RRP12: variants seen among roughly 807,000 people sequenced by gnomAD.
RRP12 encodes ribosomal RNA processing 12 homolog.
RRP12 carries 78 observed loss-of-function variants against 157.3 expected under a neutral mutation model. The observed-to-expected ratio is 0.50, with a 90% CI of 0.41 to 0.60. RRP12 has a LOEUF of 0.60. Ranked by LOEUF, RRP12 falls within the 20% of genes least tolerant of loss-of-function variation. The pLI is 0.00. For missense variants in RRP12, 1,521 were observed against 1,679.9 expected (o/e 0.91, Z 1.65); for synonymous variants, 726 against 670.9 (o/e 1.08, Z -1.27).
At chr10:97,399,227 C>A (rs1017315538) in intron 2 of RRP12, among the ~76,000 whole-genome samples, 1 of 152,096 alleles carries the variant, frequency 6.6e-6, no homozygotes, top group Non-Finnish European at 1.5e-5. Flanking sequence ...GAGCCGAGAT[C>A]GTGCCATTGC....
chr10:97,358,580 G>A lies in RRP12; in HGVS notation c.3748C>T (p.Pro1250Ser), dbSNP rs1201182274. 6.2e-7 allele frequency: 1 copy of A among 1,614,006 alleles called. No individual in the cohort carries two copies. The highest frequency in any genetic ancestry group is 8.5e-7 in the Non-Finnish European group (1 of 1,179,974). ...GDVKKKGRPD[P>S]YAYIPLNRSK... ...CTGTTGAGGGGGATGTAGGCATAGG[G>A]ATCCGGCCGGCCTTTCTTCTTCACA... is the stretch of plus-strand genomic sequence containing the variant. Residue 1250 changes from proline (P) to serine (S), a missense_variant, in exon 33 of 34, where the codon CCC becomes TCC. Pro to Ser is a moderately conservative substitution (Grantham distance 74, BLOSUM62 -1). Transcript: ENST00000370992.
At position 97,400,425 on chromosome 10, in the gene RRP12, C is replaced by A; in HGVS notation, c.249G>T (p.Ala83=). The A allele has an allele frequency of 9.3e-6, 15 of 1,614,108 alleles. No homozygotes were observed. The highest frequency in any genetic ancestry group is 1.1e-5 in the Non-Finnish European group (13 of 1,180,016). ...EAPETPMEEE[A]ELVLTEKSSG... ...AGGACTTCTCGGTGAGAACCAGCTC[C>A]GCCTCTTCTTCCATGGGCGTCTCCG... is the stretch of plus-strand genomic sequence containing the variant. The change falls in exon 2 of 34, where the codon GCG becomes GCT. Residue 83 remains alanine, a synonymous_variant. Transcript: ENST00000370992.
At chr10:97,369,878 C>A (rs1304177495) in intron 24 of RRP12, among the ~76,000 whole-genome samples, 1 of 152,220 alleles carries the variant, frequency 6.6e-6, no homozygotes, top group Admixed American at 6.5e-5. Flanking sequence ...GACTAAAATC[C>A]AGGCATCAGC....
At chr10:97,388,678 T>C in intron 6 of RRP12, 54 bp from the exon 7 acceptor site, 1 of 1,595,518 alleles carries the variant, frequency 6.3e-7, no homozygotes, top group Non-Finnish European at 8.6e-7. Flanking sequence ...CACCAGCATC[T>C]TGGGTGTCCG....
intron 2 of RRP12, among the ~76,000 whole-genome samples, chr10:97,398,012 T>TATATATATATAC (rs1845022187): frequency 1.3e-5 from 1 of 76,090 alleles, no homozygotes; most frequent in Non-Finnish European, 2.8e-5. Context: ...TATACATATA[T>TATATATATATAC]ATATATATAT....
intron 29 of RRP12, chr10:97,365,876 A>T (rs946724648): frequency 1.8e-6 from 1 of 560,516 alleles, no homozygotes; most frequent in Non-Finnish European, 3.2e-6. Flanking sequence ...AAGGGGAAGT[A>T]CCATTTCCGA....
intron 8 of RRP12, 110 bp downstream of exon 8, chr10:97,388,142 A>G (rs1032206923): frequency 4.8e-6 from 7 of 1,443,666 alleles, no homozygotes; most frequent in Admixed American, 1.9e-5. Flanking sequence ...TTAGCTTAAG[A>G]ACACAGTCAG....
In RRP12 at chr10:97,388,174, C is replaced by T. The variant is rs538865413; in HGVS notation, c.1017+78G>A. On this transcript the variant is annotated intron_variant, in intron 8 of 33. Transcript: ENST00000370992. ...TCAGGGAGGGAGACCCCAGGCCCTG[C>T]ATTTTGACTGACCAGTGAGTTCCCC... 39 of 1,588,006 alleles carry T rather than the reference C, an allele frequency of 2.5e-5. No homozygotes were observed. The South Asian group carries it at 4.2e-4, about 17-fold the overall frequency.
In RRP12 at chr10:97,373,192, G is replaced by A. The variant is rs746700980; in HGVS notation, c.2035C>T (p.Arg679Cys). ...TTGGCAAAGCGACTCACTTCAGCAC[G>A]GTCAGCCTCTGGTAAAAGGATCAAA... ...ITKGCQAEAD[R>C]AEVSRFAKNF... The change falls in exon 18 of 34, where the codon CGT (arginine) becomes TGT (cysteine). Residue 679 changes from arginine (R) to cysteine (C), a missense_variant. By Grantham distance (180) the Arg-to-Cys change is radical. Coordinates refer to ENST00000370992, the MANE Select transcript of RRP12 (RefSeq NM_015179.4). 5.6e-6 allele frequency: 9 copies of A among 1,613,908 alleles called. No individual in the cohort carries two copies. Among genetic ancestry groups the A allele is most frequent in the African/African-American group, 2.7e-5 (2 of 74,924 alleles).
intron 12 of RRP12, 97 bp from the exon 13 acceptor site, chr10:97,381,010 G>C: frequency 1.0e-6 from 1 of 963,380 alleles, no homozygotes; most frequent in Non-Finnish European, 1.6e-6. Context: ...ACAGACGCTA[G>C]CTGGCCAGCA....
chr10:97,401,335 T>A lies in RRP12; in HGVS notation c.-104A>T, dbSNP rs1456643612. 7.1e-6 allele frequency: 10 copies of A among 1,410,446 alleles called. No individual in the cohort carries two copies. Among genetic ancestry groups the A allele is most frequent in the African/African-American group, 4.3e-5 (3 of 69,916 alleles). The allele number at this position is 1,410,446 out of a possible 1,614,324, so 87.4% of individuals were successfully genotyped here. On this transcript the variant is annotated 5_prime_UTR_variant, in exon 1 of 34. Coordinates refer to ENST00000370992, the MANE Select transcript of RRP12 (RefSeq NM_015179.4). The stretch of plus-strand genomic sequence containing the variant: ...ATACCCTGTAGCCTTCACTTCCTCT[T>A]CTTCTGGCGTCACTTCCGGATTCGT...
chr10:97,378,448 C>G (rs1320870099), intron 15 of RRP12, among the ~76,000 whole-genome samples: 1 of 152,164 alleles, frequency 6.6e-6, no homozygotes, highest in South Asian at 2.1e-4. Flanking sequence ...TCTAAACACA[C>G]GTAAACATTG....
chr10:97,385,578 C>G (rs192643354), intron 9 of RRP12, among the ~76,000 whole-genome samples: 542 of 152,264 alleles, frequency 3.6e-3, no homozygotes, highest in Non-Finnish European at 6.1e-3. Flanking sequence ...ATCTGATCCC[C>G]CCTCCCAATA....
chr10:97,399,339 C>A (rs11189203), intron 2 of RRP12, among the ~76,000 whole-genome samples: 57,329 of 151,910 alleles, frequency 0.38, 11,240 homozygotes, highest in African/African-American at 0.49. Flanking sequence ...GGCTACTAAA[C>A]ATTTTTAAAT....
At position 97,385,984 on chromosome 10, in the gene RRP12, C is replaced by G; in HGVS notation, c.1027G>C (p.Ala343Pro). Residue 343 changes from alanine (A) to proline (P), a missense_variant, in exon 9 of 34, where the codon GCC (alanine) becomes CCC (proline). By Grantham distance (27) the Ala-to-Pro change is conservative. Coordinates refer to ENST00000370992, the MANE Select transcript of RRP12 (RefSeq NM_015179.4). ...CTGTGAAAGGCCTGCATGGCACAGG[C>G]TGTCACCAGCTGGAGGGGGACACAC... ...VMTLSHVLVT[A>P]CAMQAFHSLF... is the part of the protein sequence containing the mutation. The G allele has an allele frequency of 6.3e-7, 1 of 1,592,116 alleles. No homozygotes were observed. Among genetic ancestry groups the G allele is most frequent in the Non-Finnish European group, 8.6e-7 (1 of 1,168,868 alleles).
In RRP12 at chr10:97,373,178, AC is replaced by A. The variant is rs1196263950; in HGVS notation, c.2048del (p.Ser683IlefsTer47). 4.3e-6 allele frequency: 7 copies of A among 1,614,112 alleles called. No individual in the cohort carries two copies. Among genetic ancestry groups the A allele is most frequent in the Non-Finnish European group, 5.9e-6 (7 of 1,180,026 alleles). On this transcript the variant is annotated frameshift_variant, in exon 18 of 34. Transcript: ENST00000370992. LOFTEE classifies it high-confidence loss of function. ...CQAEADRAEV[S>X]RFAKNFLPIL... The stretch of plus-strand genomic sequence containing the variant: ...TCGGCAGAAAGTTCTTGGCAAAGCG[AC>A]TCACTTCAGCACGGTCAGCCTCTGG...
At chr10:97,391,299 T>C (rs964592391) in intron 4 of RRP12, among the ~76,000 whole-genome samples, 2 of 152,170 alleles carry the variant, frequency 1.3e-5, no homozygotes, top group East Asian at 1.9e-4. Context: ...TGGCCAGGCA[T>C]GGTGGCTCAC....
At chr10:97,398,353 CTTTTTTT>C (rs58136206) in intron 2 of RRP12, among the ~76,000 whole-genome samples, 4 of 57,540 alleles carry the variant, frequency 7.0e-5, no homozygotes, top group Non-Finnish European at 1.3e-4. Flanking sequence ...CGCGCCCGGC[CTTTTTTT>C]TTTTTTTTTT....
intron 12 of RRP12, 24 bp downstream of exon 12, chr10:97,381,362 C>G: frequency 6.4e-7 from 1 of 1,553,790 alleles, no homozygotes; most frequent in Non-Finnish European, 8.8e-7. Context: ...CCATCCCTTC[C>G]TAACATGGAC....
Sources: allele counts gnomAD v4.1 joint callset (sites outside exome capture counted in the v4.1 genomes callset), GRCh38; gene constraint gnomAD v4.1.1; transcripts MANE v1.5; gene names NCBI Gene and HGNC (gene_info 2026-07-23, HGNC 2026-07-21).